The following HELZ2 variants were observed in gnomAD, a reference collection of about 807,000 sequenced individuals.
The protein encoded by HELZ2 is helicase with zinc finger 2, also known as 3'-5' exoribonuclease HELZ2.
A neutral mutation model predicts 208.8 loss-of-function variants in HELZ2; 143 were observed. The ratio of observed to expected loss-of-function variants is 0.68; its 90% CI spans 0.60 to 0.79. The LOEUF is 0.79. Ranked by LOEUF, HELZ2 falls within the 30% of genes least tolerant of loss-of-function variation. The pLI, the probability that HELZ2 is intolerant of heterozygous loss-of-function variation, is 0.00. For synonymous variants in HELZ2, 1,705 were observed against 1,693.7 expected, an observed-to-expected ratio of 1.01 and a Z score of -0.16; for missense variants, 3,690 against 3,794.5, an observed-to-expected ratio of 0.97 and a Z score of 0.72.
exon 6 of HELZ2, chr20:63,567,570 G>C (rs942000586): frequency 2.5e-6 from 4 of 1,586,104 alleles, no homozygotes; most frequent in Non-Finnish European, 3.4e-6. Flanking sequence ...GAGTGGCCTC[G>C]GGGTGGCCGC....
exon 8 of HELZ2, chr20:63,564,129 C>A (rs767423822): frequency 1.9e-6 from 3 of 1,611,818 alleles, no homozygotes; most frequent in Non-Finnish European, 2.5e-6. Context: ...TCACACAGGG[C>A]CTTGAGCTGC....
At chr20:63,572,330 G>A (rs765940037) in exon 1 of HELZ2, 5 of 1,583,526 alleles carry the variant, frequency 3.2e-6, no homozygotes, top group Non-Finnish European at 4.3e-6. Context: ...GGCAGGGGGT[G>A]TGAGCAGGTC....
At chr20:63,568,980 C>G (rs1476930874) in exon 5 of HELZ2, 1 of 1,602,510 alleles carries the variant, frequency 6.2e-7, no homozygotes, top group East Asian at 2.2e-5. Flanking sequence ...TTCAGGAACA[C>G]CTGGCCCCGC....
exon 8 of HELZ2, chr20:63,562,777 C>A (rs758207634): frequency 1.2e-6 from 2 of 1,606,866 alleles, no homozygotes; most frequent in Admixed American, 3.4e-5. Flanking sequence ...TGGGAGCCGG[C>A]AGCCCCTCGA....
chr20:63,561,885 C>A, exon 11 of HELZ2: 1 of 1,574,810 alleles, frequency 6.3e-7, no homozygotes, highest in South Asian at 1.1e-5. Context: ...ACCCCCCAGC[C>A]GCTTCTCCCC....
chr20:63,564,442 C>T (rs758711978), exon 8 of HELZ2: 15 of 1,561,820 alleles, frequency 9.6e-6, no homozygotes, highest in Non-Finnish European at 1.1e-5. Context: ...CCTCCTCCGC[C>T]TCCTCGTAGG....
intron 5 of HELZ2, 42 bp from the exon 7 acceptor site, chr20:63,567,669 C>T: frequency 6.4e-7 from 1 of 1,567,350 alleles, no homozygotes; most frequent in South Asian, 1.2e-5. Flanking sequence ...TGCTGGGGGC[C>T]TCAGTGCTGT....
At chr20:63,566,307 C>A in intron 7 of HELZ2, 71 bp downstream of exon 8, 1 of 1,514,168 alleles carries the variant, frequency 6.6e-7, no homozygotes. Context: ...CGATGCCAGG[C>A]TGAGGAGTGG....
At chr20:63,567,231 G>C (rs749807446) in exon 6 of HELZ2, 1 of 1,607,840 alleles carries the variant, frequency 6.2e-7, no homozygotes, top group Admixed American at 1.7e-5. Flanking sequence ...CGGCCGCCCG[G>C]GCCCTGGCCA....
chr20:63,568,516 C>T, exon 5 of HELZ2: 6 of 1,583,098 alleles, frequency 3.8e-6, no homozygotes, highest in Non-Finnish European at 4.3e-6. Context: ...CCGCGATGAG[C>T]GCCACGGCCA....
intron 5 of HELZ2, chr20:63,567,988 G>A (rs1250201659): frequency 5.5e-6 from 3 of 540,634 alleles, no homozygotes; most frequent in Non-Finnish European, 9.8e-6. Flanking sequence ...GGGAGGTGGT[G>A]GTGGCAGGAA....
chr20:63,568,331 G>C, intron 5 of HELZ2, 27 bp downstream of exon 6: 1 of 1,559,510 alleles, frequency 6.4e-7, no homozygotes, highest in Non-Finnish European at 8.8e-7. Flanking sequence ...GTCAGGTGAG[G>C]TGGGGGCAGG....
chr20:63,562,646 C>T lies in HELZ2; in HGVS notation c.6176G>A (p.Arg2059Gln), dbSNP rs200373931. The change falls in exon 8 of 19, where the codon CGG becomes CAG. Residue 2059 changes from arginine (R) to glutamine (Q), a missense_variant. Arg to Gln is a conservative substitution (Grantham distance 43, BLOSUM62 1). This residue lies in a region of HELZ2 where 2,564 missense variants were observed against 2,580.5 expected (regional missense o/e 0.99). Coordinates refer to ENST00000467148, the Ensembl canonical transcript of HELZ2. ...GTGCACCCGTCTGGGAGCCTCCTGC[C>T]GGTCTGCCCGGCGCTCCTGGTCCCA... 332 of 1,594,418 alleles carry T rather than the reference C, an allele frequency of 2.1e-4. No homozygotes were observed. Among genetic ancestry groups the T allele is most frequent in the Admixed American group, 4.0e-4 (23 of 57,286 alleles).
In HELZ2 at chr20:63,570,435, G is replaced by A. The variant is rs535420171; in HGVS notation, c.570+69C>T. The A allele has an allele frequency of 1.7e-4, 220 of 1,298,670 alleles. 1 individual carries two copies. The Middle Eastern group carries it at 4.0e-3, about 24-fold the overall frequency. The allele number at this position is 1,298,670 out of a possible 1,614,324, so 80.4% of individuals were successfully genotyped here. Reference sequence around the variant, plus strand: ...TAGCTCCATGACCCAGGCTGTTGACGTCTGCCCGGGCTGAAGTCACCACTT... The same window carrying A: ...TAGCTCCATGACCCAGGCTGTTGACATCTGCCCGGGCTGAAGTCACCACTT... On this transcript the variant is annotated intron_variant, in intron 3 of 18. Coordinates refer to ENST00000467148, the Ensembl canonical transcript of HELZ2.
Position 63,560,100 on chromosome 20 carries a change from GGGATGGGAGGTGAGGCCCTGCT to G in HELZ2, c.7658-27_7658-6del. The G allele has an allele frequency of 2.5e-6, 4 of 1,586,244 alleles. No homozygotes were observed. The highest frequency in any genetic ancestry group is 3.4e-6 in the Non-Finnish European group (4 of 1,170,796). On this transcript the variant is annotated splice_polypyrimidine_tract_variant and splice_region_variant and intron_variant, in intron 17 of 18. Transcript: ENST00000467148. ...GCACATAGCGCCACTCGCTCCCTGC[GGGATGGGAGGTGAGGCCCTGCT>G]GCCGCTGCGCCCACCCTCCCGGCCC...
rs144890990 is a variant in HELZ2, at chr20:63,559,304, T to C, written c.7892A>G (p.Gln2631Arg). ...CACCTGGCCGGCAGGCACGAGGGTC[T>C]GCTGAGCCTCGCAGAAGTCCAGGAG... Residue 2631 changes from glutamine (Q) to arginine (R), a missense_variant, in exon 19 of 19, where the codon CAG becomes CGG. Physicochemically the swap from Gln to Arg is conservative, Grantham distance 43 (BLOSUM62 1). Transcript: ENST00000467148. The C allele has an allele frequency of 1.1e-5, 18 of 1,599,448 alleles. No individual in the cohort carries two copies. The African/African-American group carries it at 2.4e-4, about 21-fold the overall frequency.
At chr20:63,567,591 G>T in exon 6 of HELZ2, 1 of 1,598,042 alleles carries the variant, frequency 6.3e-7, no homozygotes, top group South Asian at 1.1e-5. Flanking sequence ...CGCTGACGTG[G>T]CTGTGGAAAT....
At chr20:63,570,280 A>T (rs1385358500) in intron 3 of HELZ2, 1 of 684,124 alleles carries the variant, frequency 1.5e-6, no homozygotes, top group African/African-American at 1.8e-5. Context: ...TTTAACCCAT[A>T]TACTCCATAG....
exon 8 of HELZ2, chr20:63,565,276 C>A: frequency 6.2e-7 from 1 of 1,605,318 alleles, no homozygotes; most frequent in Non-Finnish European, 8.5e-7. Flanking sequence ...GCCCCTCGGG[C>A]GCCTTGTCTC....
Sources: gnomAD v4.1 joint callset for allele counts on GRCh38, gnomAD v4.1.1 for gene constraint, gnomAD v4.1.1 regional missense constraint, MANE v1.5 for transcripts, NCBI Gene and HGNC (gene_info 2026-07-23, HGNC 2026-07-21) for gene names.